The following UBA2 variants were observed in gnomAD, a reference collection of about 807,000 sequenced individuals.
UBA2 encodes ubiquitin like modifier activating enzyme 2.
In UBA2, 11 loss-of-function variants were observed where a neutral mutation model predicts 77.2. The observed-to-expected ratio is 0.14, with a 90% CI of 0.09 to 0.24. The LOEUF is 0.24. Ranked by LOEUF, UBA2 falls within the 10% of genes least tolerant of loss-of-function variation. The pLI, the probability that UBA2 is intolerant of heterozygous loss-of-function variation, is 1.00. For missense variants in UBA2, 487 were observed against 781.7 expected, an observed-to-expected ratio of 0.62 and a Z score of 4.50; for synonymous variants, 278 against 276.7, an observed-to-expected ratio of 1.00 and a Z score of -0.05.
In UBA2 at chr19:34,458,831, T is replaced by C. The variant is rs760780066; in HGVS notation, c.1308T>C (p.Pro436=). The part of the protein sequence containing the change: ...KKLLVPCALD[P]PNPNCYVCAS... Reference sequence around the variant, plus strand: ...TTCTTGTGCCTTGTGCACTGGATCCTCCCAACCCCAATTGTTATGTATGTG... The same window carrying C: ...TTCTTGTGCCTTGTGCACTGGATCCCCCCAACCCCAATTGTTATGTATGTG... The change falls in exon 13 of 17, where the codon CCT becomes CCC. Residue 436 remains proline (P), a synonymous_variant. Coordinates refer to ENST00000246548, the MANE Select transcript of UBA2 (RefSeq NM_005499.3). 1.2e-6 allele frequency: 2 copies of C among 1,613,584 alleles called. No homozygotes were observed. The highest frequency in any genetic ancestry group is 3.3e-5 in the Admixed American group (2 of 59,994).
chr19:34,454,609 T>C, intron 12 of UBA2, 53 bp downstream of exon 12: 1 of 906,346 alleles, frequency 1.1e-6, no homozygotes, highest in East Asian at 2.8e-5. Flanking sequence ...AAATCATTAA[T>C]TAAAAGTACA....
rs373864253 is a variant in UBA2, at chr19:34,456,889, T to A, written c.1246-1880T>A. On this transcript the variant is annotated intron_variant, in intron 12 of 16. Coordinates refer to ENST00000246548, the MANE Select transcript of UBA2 (RefSeq NM_005499.3). ...CAGTTTTTAAATTATTTAAAAAAAATTTTTTATAGCAGCCTGAAGCTGTAG... is the reference window on the plus strand; with the variant it reads ...CAGTTTTTAAATTATTTAAAAAAAAATTTTTATAGCAGCCTGAAGCTGTAG... Among the ~76,000 whole-genome samples, 375 of 151,916 alleles carry A rather than the reference T, an allele frequency of 2.5e-3. 4 individuals are homozygous for A. The highest frequency in any genetic ancestry group is 0.022 in the South Asian group (103 of 4,784).
chr19:34,444,523 C>T (rs1274074246), intron 7 of UBA2, among the ~76,000 whole-genome samples: 1 of 152,134 alleles, frequency 6.6e-6, no homozygotes, highest in Non-Finnish European at 1.5e-5. Flanking sequence ...TAAGTTACAA[C>T]AGGCCAGGCA....
At position 34,466,999 on chromosome 19, in the gene UBA2, C is replaced by G; in HGVS notation, c.1726C>G (p.Pro576Ala). 1.2e-6 allele frequency: 2 copies of G among 1,613,980 alleles called. No homozygotes were observed. Among genetic ancestry groups the G allele is most frequent in the South Asian group, 2.2e-5 (2 of 91,070 alleles). ...ITNGSDDGAQPSTSTAQEQDD... is the reference protein window; with the variant it reads ...ITNGSDDGAQASTSTAQEQDD... ...CAATGGCAGTGATGATGGAGCTCAGCCCTCCACCTCCACAGGTGAGTATGG... is the reference window on the plus strand; with the variant it reads ...CAATGGCAGTGATGATGGAGCTCAGGCCTCCACCTCCACAGGTGAGTATGG... The change falls in exon 16 of 17, where the codon CCC becomes GCC. Residue 576 changes from proline (P) to alanine (A), a missense_variant. Physicochemically the swap from Pro to Ala is conservative, Grantham distance 27. Transcript: ENST00000246548.
intron 5 of UBA2, among the ~76,000 whole-genome samples, chr19:34,436,226 T>A (rs1272006782): frequency 1.3e-5 from 2 of 152,208 alleles, no homozygotes; most frequent in Non-Finnish European, 2.9e-5. Flanking sequence ...CTTCAAACAT[T>A]TAAATACAAC....
At chr19:34,460,807 C>T (rs887576742) in intron 14 of UBA2, among the ~76,000 whole-genome samples, 4 of 152,124 alleles carry the variant, frequency 2.6e-5, no homozygotes, top group African/African-American at 7.2e-5. Flanking sequence ...ACCTCCTTGC[C>T]GATATCATGG....
intron 5 of UBA2, among the ~76,000 whole-genome samples, chr19:34,438,431 C>T (rs534740737): frequency 2.0e-5 from 3 of 152,280 alleles, no homozygotes; most frequent in East Asian, 1.9e-4. Context: ...CAGGAGTCGG[C>T]GTCCTGGCAC....
At chr19:34,433,291 C>A in intron 3 of UBA2, 57 bp from the exon 4 acceptor site, 1 of 1,236,296 alleles carries the variant, frequency 8.1e-7, no homozygotes, top group Non-Finnish European at 1.2e-6. Context: ...TATTATACTG[C>A]AAAGATCATG....
intron 8 of UBA2, among the ~76,000 whole-genome samples, chr19:34,446,244 CA>C (rs1310235487): frequency 6.6e-6 from 1 of 152,200 alleles, no homozygotes; most frequent in African/African-American, 2.4e-5. Flanking sequence ...AGTATTCTTG[CA>C]ACTCTCACTA....
chr19:34,458,046 A>G (rs1248855537), intron 12 of UBA2, among the ~76,000 whole-genome samples: 1 of 152,128 alleles, frequency 6.6e-6, no homozygotes. Flanking sequence ...CGTTAACTGG[A>G]GAAATTAATG....
At chr19:34,441,610 C>T (rs2075370474) in intron 6 of UBA2, among the ~76,000 whole-genome samples, 1 of 152,090 alleles carries the variant, frequency 6.6e-6, no homozygotes, top group African/African-American at 2.4e-5. Context: ...ATAACAGTGT[C>T]AACTTGATAA....
intron 6 of UBA2, among the ~76,000 whole-genome samples, chr19:34,442,884 ACTAT>A (rs1338278174): frequency 1.3e-5 from 2 of 152,206 alleles, no homozygotes; most frequent in Non-Finnish European, 2.9e-5. Context: ...GTTGGGAGTG[ACTAT>A]CAGAGCTTTG....
At chr19:34,456,124 T>TTTTG (rs2075559769) in intron 12 of UBA2, among the ~76,000 whole-genome samples, 2 of 123,746 alleles carry the variant, frequency 1.6e-5, no homozygotes, top group African/African-American at 5.4e-5. Context: ...TTTTTTTTTT[T>TTTTG]GAGGTGGAAT....
chr19:34,453,605 C>T (rs950346845), intron 10 of UBA2, among the ~76,000 whole-genome samples: 1 of 150,988 alleles, frequency 6.6e-6, no homozygotes, highest in Non-Finnish European at 1.5e-5. Context: ...CTTACTGCAG[C>T]CTCTGCGTCC....
chr19:34,431,267 TTA>T (rs2075251841), intron 2 of UBA2, among the ~76,000 whole-genome samples: 1 of 144,632 alleles, frequency 6.9e-6, no homozygotes, highest in African/African-American at 2.6e-5. Context: ...TTTTTTTTTT[TTA>T]GAGATAGGGT....
chr19:34,437,385 G>A (rs534398784), intron 5 of UBA2, among the ~76,000 whole-genome samples: 43 of 151,180 alleles, frequency 2.8e-4, no homozygotes, highest in African/African-American at 8.0e-4. Context: ...CAAGGCGGGC[G>A]GATCACCTGA....
At chr19:34,449,603 GAAAAAAATATT>G (rs1568376480) in intron 8 of UBA2, among the ~76,000 whole-genome samples, 1 of 152,008 alleles carries the variant, frequency 6.6e-6, no homozygotes, top group Non-Finnish European at 1.5e-5. Flanking sequence ...TAAGGAAAAA[GAAAAAAATATT>G]AAAATCACTT....
At chr19:34,431,712 T>C in intron 2 of UBA2, 149 bp from the exon 3 acceptor site, 1 of 670,164 alleles carries the variant, frequency 1.5e-6, no homozygotes, top group Non-Finnish European at 2.6e-6. Flanking sequence ...AGCTTAACCC[T>C]AATGCAATTT....
chr19:34,430,805 G>A (rs555401696), intron 2 of UBA2, 146 bp downstream of exon 2: 2 of 610,490 alleles, frequency 3.3e-6, no homozygotes, highest in African/African-American at 1.8e-5. Flanking sequence ...GATATATCAA[G>A]TAAAGGACTA....
Sources: allele counts gnomAD v4.1 joint callset (sites outside exome capture counted in the v4.1 genomes callset), GRCh38; gene constraint gnomAD v4.1.1; transcripts MANE v1.5; gene names NCBI Gene and HGNC (gene_info 2026-07-23, HGNC 2026-07-21).